GRID2IP: variants seen among roughly 807,000 people sequenced by gnomAD.
GRID2IP encodes the protein Grid2 interacting protein, also known as delphilin.
Under a neutral mutation model 114.3 loss-of-function variants are expected in GRID2IP, and 78 were observed. The ratio of observed to expected loss-of-function variants is 0.68; its 90% CI spans 0.57 to 0.82. The LOEUF (loss-of-function observed/expected upper bound fraction) is 0.82, where lower values mean the gene tolerates loss of function less well. GRID2IP is among the 40% of genes least tolerant of loss of function. GRID2IP has a pLI of 0.00. For missense variants in GRID2IP, 1,727 were observed against 1,678.5 expected, an observed-to-expected ratio of 1.03 and a Z score of -0.51; for synonymous variants, 809 against 724.0, an observed-to-expected ratio of 1.12 and a Z score of -1.89.
rs1488907574 is a variant in GRID2IP at position 6,536,683 on chromosome 7, C to A, written c.584+3035G>T. The A allele has an allele frequency of 1.6e-6, 1 of 642,306 alleles. No individual in the cohort carries two copies. Among genetic ancestry groups the A allele is most frequent in the Non-Finnish European group, 2.9e-6 (1 of 348,760 alleles). The allele number at this position is 642,306 out of a possible 1,614,324, so 39.8% of individuals were successfully genotyped here. ...CTGGCCCATCCCTGGTGGGGAGGGGCGGGACGGGGGGCTGCCTGTCAATCA... is the reference window on the plus strand; with the variant it reads ...CTGGCCCATCCCTGGTGGGGAGGGGAGGGACGGGGGGCTGCCTGTCAATCA... On this transcript the variant is annotated intron_variant, in intron 2 of 21. Coordinates refer to ENST00000457091, the MANE Select transcript of GRID2IP (RefSeq NM_001145118.2). This position sits in a 1 kb window ranked among gnomAD's most constrained non-coding sequence, Gnocchi z 5.3.
rs1243577935 is a variant in GRID2IP at position 6,508,168 on chromosome 7, G to A, written c.2361C>T (p.Pro787=). ...SRGPAQALAK[P]LTQLSHPVPP... Reference sequence around the variant, plus strand: ...GGACTGGGTGGCTGAGTTGGGTGAGGGGCTTGGCCAGCGCCTGAGCAGGGC... The same window carrying A: ...GGACTGGGTGGCTGAGTTGGGTGAGAGGCTTGGCCAGCGCCTGAGCAGGGC... The change falls in exon 13 of 22, where the codon CCC becomes CCT. Residue 787 remains proline, a synonymous_variant. Transcript: ENST00000457091. This position sits in a 1 kb window ranked among gnomAD's most constrained non-coding sequence, Gnocchi z 5.6. 2.0e-6 allele frequency: 3 copies of A among 1,510,034 alleles called. No individual in the cohort carries two copies. Among genetic ancestry groups the A allele is most frequent in the Non-Finnish European group, 8.9e-7 (1 of 1,129,160 alleles). 93.5% of individuals were successfully genotyped at this position (1,510,034 alleles called of 1,614,324 possible). A position where few individuals can be genotyped will look rare whatever the true frequency, so the allele number is the denominator to read the frequency against.
At position 6,516,172 on chromosome 7, in the gene GRID2IP, G is replaced by C. The variant is rs576277633; in HGVS notation, c.1269-1643C>G. 2.5e-3 allele frequency among the ~76,000 whole-genome samples: 373 copies of C among 151,572 alleles called. 5 individuals carry two copies. Among genetic ancestry groups the C allele is most frequent in the Non-Finnish European group, 3.0e-3 (205 of 67,872 alleles). ...GAGAATATCTTTTGACCTAGAAGCAGGGAAGAGCTTAAAATTTCAAAAGCC... is the reference window on the plus strand; with the variant it reads ...GAGAATATCTTTTGACCTAGAAGCACGGAAGAGCTTAAAATTTCAAAAGCC... On this transcript the variant is annotated intron_variant, in intron 7 of 21. Transcript: ENST00000457091. The surrounding 1 kb of genome is among the most constrained non-coding windows in gnomAD (Gnocchi z 4.3).
Position 6,503,687 on chromosome 7 carries a change from G to A in GRID2IP, c.2711C>T (p.Ser904Phe). Residue 904 changes from serine to phenylalanine, a missense_variant and splice_region_variant, in exon 16 of 22, where the codon TCC (serine) becomes TTC (phenylalanine). Physicochemically the swap from Ser to Phe is radical, Grantham distance 155 (BLOSUM62 -2). Coordinates refer to ENST00000457091, the MANE Select transcript of GRID2IP (RefSeq NM_001145118.2). ...ILSHKKAYNT[S>F]ILLAHLKLSP... The stretch of plus-strand genomic sequence containing the variant: ...CAGCTTCAGGTGTGCCAAGAGGATG[G>A]CTGCGGGCGGGGCGGGGCGGTGAGC... The A allele has an allele frequency of 1.3e-6, 2 of 1,483,190 alleles. No individual in the cohort carries two copies. The highest frequency in any genetic ancestry group is 1.8e-6 in the Non-Finnish European group (2 of 1,123,762). 91.9% of individuals were successfully genotyped at this position (1,483,190 alleles called of 1,614,324 possible). A position where few individuals can be genotyped will look rare whatever the true frequency, so the allele number is the denominator to read the frequency against.
intron 2 of GRID2IP, among the ~76,000 whole-genome samples, chr7:6,533,979 C>A (rs1779681262): frequency 6.6e-6 from 1 of 152,112 alleles, no homozygotes; most frequent in Non-Finnish European, 1.5e-5. Flanking sequence ...GTGTTCATGA[C>A]ACTTGGCACT....
At chr7:6,537,370 CTTTTTTTTTTTTT>C (rs772469574) in intron 2 of GRID2IP, among the ~76,000 whole-genome samples, 1 of 58,356 alleles carries the variant, frequency 1.7e-5, no homozygotes, top group African/African-American at 6.4e-5. Flanking sequence ...ATGGTGAGAC[CTTTTTTTTTTTTT>C]TTTTTTTTTT....
rs1779735712 is a variant in GRID2IP at position 6,536,965 on chromosome 7, G to C, written c.584+2753C>G. 2.9e-6 allele frequency: 1 copy of C among 342,976 alleles called. No homozygotes were observed. Among genetic ancestry groups the C allele is most frequent in the Non-Finnish European group, 5.5e-6 (1 of 181,536 alleles). The allele number at this position is 342,976 out of a possible 1,614,324, so 21.2% of individuals were successfully genotyped here. A position where few individuals can be genotyped will look rare whatever the true frequency, so the allele number is the denominator to read the frequency against. On this transcript the variant is annotated intron_variant, in intron 2 of 21. Coordinates refer to ENST00000457091, the MANE Select transcript of GRID2IP (RefSeq NM_001145118.2). The surrounding 1 kb of genome is among the most constrained non-coding windows in gnomAD (Gnocchi z 5.3). ...CAGCCCAGTCCCTGACATTGGCCAG[G>C]CCCAGAGGGAGGGGCAGGCTGCGGG...
intron 9 of GRID2IP, 66 bp from the exon 10 acceptor site, chr7:6,510,772 A>C: frequency 6.7e-7 from 1 of 1,490,774 alleles, no homozygotes; most frequent in Non-Finnish European, 9.1e-7. Flanking sequence ...CAGAACCAAC[A>C]TGCCCCGCAG....
In GRID2IP at chr7:6,509,553, G is replaced by GA. The variant is rs1337176967; in HGVS notation, c.1772-241dup. 2.0e-5 allele frequency among the ~76,000 whole-genome samples: 3 copies of GA among 152,164 alleles called. No individual in the cohort carries two copies. ...ACAGGCTGGACGCCAGCTCACCTTGGAATGGTCACCAGGGGTCCCAGCTGG... is the reference window on the plus strand; with the variant it reads ...ACAGGCTGGACGCCAGCTCACCTTGGAAATGGTCACCAGGGGTCCCAGCTGG... On this transcript the variant is annotated intron_variant, in intron 11 of 21. Transcript: ENST00000457091. This position sits in a 1 kb window ranked among gnomAD's most constrained non-coding sequence, Gnocchi z 4.9.
intron 8 of GRID2IP, among the ~76,000 whole-genome samples, chr7:6,513,230 CTTTTTTCT>C (rs1053073074): frequency 1.3e-5 from 2 of 151,614 alleles, no homozygotes; most frequent in African/African-American, 2.4e-5. Context: ...GAGTTTCTTT[CTTTTTTCT>C]TTTTTTCTTT....
chr7:6,529,321 C>T (rs1255407268), intron 2 of GRID2IP, among the ~76,000 whole-genome samples: 2 of 152,132 alleles, frequency 1.3e-5, no homozygotes, highest in Non-Finnish European at 2.9e-5. Flanking sequence ...CATGGTAGTG[C>T]ACTCCTGTAA....
In GRID2IP at chr7:6,525,981, G is replaced by A. The variant is rs1779502880; in HGVS notation, c.919+243C>T. On this transcript the variant is annotated intron_variant, in intron 4 of 21. Coordinates refer to ENST00000457091, the MANE Select transcript of GRID2IP (RefSeq NM_001145118.2). ...GGGGGATGCTGAATTTAGAGGGGCA[G>A]GGGTGGGGTGCCCCAACTCAGGCAG... 2.0e-5 allele frequency among the ~76,000 whole-genome samples: 3 copies of A among 152,284 alleles called. No homozygotes were observed. In the South Asian group the frequency reaches 6.2e-4, roughly 32 times the overall value.
intron 1 of GRID2IP, among the ~76,000 whole-genome samples, chr7:6,546,208 A>G (rs1229354595): frequency 6.6e-6 from 1 of 151,670 alleles, no homozygotes; most frequent in African/African-American, 2.4e-5. Flanking sequence ...CTGTAATCCC[A>G]GCACTTTGGA....
intron 2 of GRID2IP, among the ~76,000 whole-genome samples, chr7:6,537,148 G>C (rs984139483): frequency 2.6e-5 from 4 of 152,088 alleles, no homozygotes; most frequent in African/African-American, 9.7e-5. Flanking sequence ...TTTGGTCCAA[G>C]CTGGGCAGGC....
In GRID2IP at chr7:6,526,715, G is replaced by A. The variant is rs1481168480; in HGVS notation, c.639C>T (p.Gly213=). The A allele has an allele frequency of 6.6e-7, 1 of 1,519,968 alleles. No homozygotes were observed. Among genetic ancestry groups the A allele is most frequent in the Middle Eastern group, 1.9e-4 (1 of 5,388 alleles). The allele number at this position is 1,519,968 out of a possible 1,614,324, so 94.2% of individuals were successfully genotyped here. The change falls in exon 3 of 22, where the codon GGC becomes GGT. Residue 213 remains glycine (G), a synonymous_variant. Coordinates refer to ENST00000457091, the MANE Select transcript of GRID2IP (RefSeq NM_001145118.2). This position sits in a 1 kb window ranked among gnomAD's most constrained non-coding sequence, Gnocchi z 7.6. ...RARFDEVVSQ[G]LLGKLCRARR... ...GTGCGCGGCACAGCTTGCCCAGGAG[G>A]CCCTGAGACACCACCTCGTCGAAGC...
In GRID2IP at chr7:6,514,495, C is replaced by T. The variant is rs115745154; in HGVS notation, c.1303G>A (p.Val435Met). Residue 435 changes from valine to methionine, a missense_variant, in exon 8 of 22, where the codon GTG (valine) becomes ATG (methionine). Coordinates refer to ENST00000457091, the MANE Select transcript of GRID2IP (RefSeq NM_001145118.2). ...ACCTGCTTGGCAGGGGTGTCCAGCACAGGGTAGACGTCAACGATGAGGGTG... is the reference window on the plus strand; with the variant it reads ...ACCTGCTTGGCAGGGGTGTCCAGCATAGGGTAGACGTCAACGATGAGGGTG... ...IDTLIVDVYPVLDTPAKQVLW... is the reference protein window; with the variant it reads ...IDTLIVDVYPMLDTPAKQVLW... 1 of 1,546,366 alleles carries T rather than the reference C, an allele frequency of 6.5e-7. No homozygotes were observed. The highest frequency in any genetic ancestry group is 2.0e-5 in the Admixed American group (1 of 50,636).
chr7:6,512,008 A>G (rs1779178770), intron 8 of GRID2IP, among the ~76,000 whole-genome samples: 1 of 151,784 alleles, frequency 6.6e-6, no homozygotes, highest in Admixed American at 6.6e-5. Context: ...CCCAGGTTCA[A>G]ATGATTCTCG....
In GRID2IP at chr7:6,520,808, A is replaced by G; in HGVS notation, c.1085-47T>C. 1 of 1,514,588 alleles carries G rather than the reference A, an allele frequency of 6.6e-7. No homozygotes were observed. The highest frequency in any genetic ancestry group is 8.9e-7 in the Non-Finnish European group (1 of 1,120,730). The allele number at this position is 1,514,588 out of a possible 1,614,324, so 93.8% of individuals were successfully genotyped here. The stretch of plus-strand genomic sequence containing the variant: ...GAGGCATGAGTGACTCAGAGTCCCC[A>G]GGCCAGGTGTAGTCTCCCTGGCTTT... On this transcript the variant is annotated intron_variant, in intron 6 of 21. Coordinates refer to ENST00000457091, the MANE Select transcript of GRID2IP (RefSeq NM_001145118.2). The surrounding 1 kb of genome is among the most constrained non-coding windows in gnomAD (Gnocchi z 4.6).
Position 6,551,211 on chromosome 7 carries a change from G to T in GRID2IP, c.226C>A (p.Pro76Thr), listed in dbSNP as rs1292232400. Residue 76 changes from proline (P) to threonine (T), a missense_variant, in exon 1 of 22, where the codon CCG (proline) becomes ACG (threonine). By Grantham distance (38) the Pro-to-Thr change is conservative. Transcript: ENST00000457091. The stretch of plus-strand genomic sequence containing the variant: ...GCCGGGAGCACGCCCAGACTGGGCG[G>T]CACACGTGGGCAGCGCCGTGCCAGG... ...VRLARRCPRV[P>T]PSLGVLPAPD... The T allele has an allele frequency of 6.7e-7, 1 of 1,492,372 alleles. No individual in the cohort carries two copies. Among genetic ancestry groups the T allele is most frequent in the East Asian group, 2.7e-5 (1 of 36,994 alleles). 92.4% of individuals were successfully genotyped at this position (1,492,372 alleles called of 1,614,324 possible).
At chr7:6,542,306 CA>C (rs56154707) in intron 1 of GRID2IP, among the ~76,000 whole-genome samples, 14,570 of 95,096 alleles carry the variant, frequency 0.15, 1,831 homozygotes, top group African/African-American at 0.4. Context: ...AACTCCATCT[CA>C]AAAAAAAAAA....
Sources: gnomAD v4.1 joint callset for allele counts (sites outside exome capture counted in the v4.1 genomes callset) on GRCh38, gnomAD v4.1.1 for gene constraint, Gnocchi (gnomAD v3.1) non-coding constraint, MANE v1.5 for transcripts, NCBI Gene and HGNC (gene_info 2026-07-23, HGNC 2026-07-21) for gene names.